FUT8: variants seen among roughly 807,000 people sequenced by gnomAD.
FUT8 encodes the protein fucosyltransferase 8.
In FUT8, 29 loss-of-function variants were observed where a neutral mutation model predicts 71.3. The ratio of observed to expected loss-of-function variants is 0.41; its 90% CI spans 0.30 to 0.55. The LOEUF is 0.55. Among genes scored for constraint, FUT8 ranks in the 20% least tolerant of loss-of-function variants. FUT8 has a pLI of 0.34. For missense variants in FUT8, 544 were observed against 702.1 expected (o/e 0.77, Z 2.55); for synonymous variants, 254 against 239.3 (o/e 1.06, Z -0.57).
intron 7 of FUT8, among the ~76,000 whole-genome samples, chr14:65,684,723 G>A (rs1289294773): frequency 3.9e-5 from 6 of 152,122 alleles, no homozygotes; most frequent in Non-Finnish European, 1.5e-5. Flanking sequence ...CACTTCGTAA[G>A]CATCTGGCAT....
chr14:65,648,347 A>G (rs1235401357), intron 6 of FUT8, among the ~76,000 whole-genome samples: 2 of 151,292 alleles, frequency 1.3e-5, no homozygotes, highest in Non-Finnish European at 3.0e-5. Context: ...CTATATATGA[A>G]CTCTTGTTGG....
At chr14:65,479,805 A>G (rs1283629380) in intron 2 of FUT8, 1 of 152,216 alleles carries the variant, frequency 6.6e-6, no homozygotes, top group African/African-American at 2.4e-5. Context: ...TTTGATTACT[A>G]TGCCTGTTGC....
chr14:65,677,935 G>T (rs1892848959), intron 7 of FUT8, among the ~76,000 whole-genome samples: 2 of 152,158 alleles, frequency 1.3e-5, no homozygotes, highest in South Asian at 4.2e-4. Flanking sequence ...CATGAGCTGG[G>T]CTCTTAGAGA....
At chr14:65,429,861 CAAAAAAAA>C (rs58941594) in intron 1 of FUT8, among the ~76,000 whole-genome samples, 1,205 of 81,018 alleles carry the variant, frequency 0.015, 10 homozygotes, top group Non-Finnish European at 0.019. Flanking sequence ...GAGACTGTCT[CAAAAAAAA>C]AAAAAAAAAA....
intron 2 of FUT8, chr14:65,458,191 A>AAC (rs1028003104): frequency 1.3e-5 from 2 of 150,546 alleles, no homozygotes; most frequent in African/African-American, 2.4e-5. Context: ...CAAAAAAAAA[A>AAC]AAAACAAAAA....
At chr14:65,468,859 G>A (rs949263529) in intron 2 of FUT8, among the ~76,000 whole-genome samples, 7 of 151,832 alleles carry the variant, frequency 4.6e-5, no homozygotes, top group East Asian at 1.9e-4. Context: ...CAGTAGTGGC[G>A]TGATCATAAC....
At chr14:65,378,837 GTTTTTTTTTTTTTT>G in the FUT8 span, among the ~76,000 whole-genome samples, 2 of 66,830 alleles carry the variant, frequency 3.0e-5, no homozygotes, top group Non-Finnish European at 2.7e-5. Context: ...TCACAAGAAG[GTTTTTTTTTTTTTT>G]TTTTTTTTTT....
chr14:65,483,079 T>C lies in FUT8; in HGVS notation c.-228+27361T>C, dbSNP rs940370955. Among the ~76,000 whole-genome samples, 4 of 152,182 alleles carry C rather than the reference T, an allele frequency of 2.6e-5. No individual in the cohort carries two copies. Among genetic ancestry groups the C allele is most frequent in the African/African-American group, 4.8e-5 (2 of 41,438 alleles). The stretch of plus-strand genomic sequence containing the variant: ...CAGTTGGATTTGTAACAGAGTATCT[T>C]TGGTGGGACACTTCTGTGTGAAGAG... On this transcript the variant is annotated intron_variant, in intron 2 of 10. Transcript: ENST00000673929. The surrounding 1 kb of genome is among the most constrained non-coding windows in gnomAD (Gnocchi z 4.4).
chr14:65,503,917 C>T (rs1315405684), intron 2 of FUT8, among the ~76,000 whole-genome samples: 5 of 152,270 alleles, frequency 3.3e-5, no homozygotes, highest in South Asian at 2.1e-4. Flanking sequence ...GAGACCTTTG[C>T]GTGAACACAA....
rs377740114 is a variant in FUT8, at chr14:65,692,190, T to G, written c.835+22710T>G. On this transcript the variant is annotated intron_variant, in intron 7 of 10. Transcript: ENST00000673929. The stretch of plus-strand genomic sequence containing the variant: ...CCAGTAGGGGTGGCCGGGCAGAGGT[T>G]CCCCTCACCTCCCGGACGGGGCGGC... Among the ~76,000 whole-genome samples the G allele has an allele frequency of 2.2e-3, 313 of 145,280 alleles. 2 individuals carry two copies. Among genetic ancestry groups the G allele is most frequent in the African/African-American group, 6.7e-3 (259 of 38,816 alleles).
At chr14:65,427,902 G>C (rs1721292912) in intron 1 of FUT8, among the ~76,000 whole-genome samples, 1 of 152,096 alleles carries the variant, frequency 6.6e-6, no homozygotes, top group Non-Finnish European at 1.5e-5. Flanking sequence ...GCCATTTCTT[G>C]ATTTTTAATA....
chr14:65,634,376 A>G (rs1163106007), intron 6 of FUT8, among the ~76,000 whole-genome samples: 1 of 152,074 alleles, frequency 6.6e-6, no homozygotes, highest in Non-Finnish European at 1.5e-5. Flanking sequence ...CATGCTCGTT[A>G]AGAGTCATCA....
intron 2 of FUT8, among the ~76,000 whole-genome samples, chr14:65,503,217 T>C (rs2066674994): frequency 6.6e-6 from 1 of 152,232 alleles, no homozygotes; most frequent in Non-Finnish European, 1.5e-5. Flanking sequence ...CTTGTAATTT[T>C]CCTGGAAGGC....
chr14:65,563,394 ATGT>A (rs2140050888), intron 3 of FUT8, among the ~76,000 whole-genome samples: 1 of 152,152 alleles, frequency 6.6e-6, no homozygotes, highest in South Asian at 2.1e-4. Flanking sequence ...AATTATAGAG[ATGT>A]TAAGTAATTT....
At position 65,569,110 on chromosome 14, in the gene FUT8, G is replaced by A. The variant is rs139747767; in HGVS notation, c.203+7344G>A. On this transcript the variant is annotated intron_variant, in intron 3 of 10. Transcript: ENST00000673929. Reference sequence around the variant, plus strand: ...TGAGAAGTCTGCAATTTTAAGAAGCGTATCTTTCTCTTTGGCTGAGTTTAC... The same window carrying A: ...TGAGAAGTCTGCAATTTTAAGAAGCATATCTTTCTCTTTGGCTGAGTTTAC... Among the ~76,000 whole-genome samples the A allele has an allele frequency of 1.5e-3, 223 of 151,244 alleles. 1 individual carries two copies. Among genetic ancestry groups the A allele is most frequent in the African/African-American group, 5.2e-3 (215 of 41,374 alleles).
chr14:65,517,076 C>T (rs923046594), intron 2 of FUT8, among the ~76,000 whole-genome samples: 2 of 151,648 alleles, frequency 1.3e-5, no homozygotes, highest in African/African-American at 4.8e-5. Context: ...ATTAATATTC[C>T]GTTATATGTG....
intron 2 of FUT8, among the ~76,000 whole-genome samples, chr14:65,462,117 T>C (rs536164281): frequency 6.6e-6 from 1 of 152,348 alleles, no homozygotes; most frequent in East Asian, 1.9e-4. Context: ...TGAAGTTTTA[T>C]AATGTTGAGT....
Position 65,439,954 on chromosome 14 carries a change from G to GTGTACGTATATATATATATATATATATA in FUT8, c.-325-15666_-325-15665insGTACGTATATATATATATATATATATAT. 3.9e-4 allele frequency among the ~76,000 whole-genome samples: 29 copies of GTGTACGTATATATATATATATATATATA among 74,968 alleles called. 5 individuals carry two copies. Among genetic ancestry groups the GTGTACGTATATATATATATATATATATA allele is most frequent in the Non-Finnish European group, 6.2e-4 (25 of 40,286 alleles). The allele number at this position is 74,968 out of a possible 152,430, so 49.2% of individuals were successfully genotyped here. Reference sequence around the variant, plus strand: ...ATAAAGAAAATGTGTGTGTGTGTGTGTATATATATATATATATATATATAT... The same window carrying GTGTACGTATATATATATATATATATATA: ...ATAAAGAAAATGTGTGTGTGTGTGTGTGTACGTATATATATATATATATATATATATATATATATATATATATATATAT... On this transcript the variant is annotated intron_variant, in intron 1 of 10. Coordinates refer to ENST00000673929, the MANE Select transcript of FUT8 (RefSeq NM_001371533.1).
the FUT8 span, among the ~76,000 whole-genome samples, chr14:65,391,458 C>T: frequency 4.6e-5 from 7 of 152,252 alleles, no homozygotes; most frequent in East Asian, 1.9e-4. Context: ...CAGGTTCAAG[C>T]GATTCTCCTG....
Sources: allele counts gnomAD v4.1 joint callset (sites outside exome capture counted in the v4.1 genomes callset), GRCh38; gene constraint gnomAD v4.1.1; non-coding constraint Gnocchi (gnomAD v3.1); transcripts MANE v1.5; gene names NCBI Gene and HGNC (gene_info 2026-07-23, HGNC 2026-07-21).